MALRD1: variants seen among roughly 807,000 people sequenced by gnomAD.
The protein encoded by MALRD1 is MAM and LDL receptor class A domain containing 1, also known as MAM and LDL-receptor class A domain-containing protein 1.
Under a neutral mutation model 242.1 loss-of-function variants are expected in MALRD1, and 247 were observed. The ratio of observed to expected loss-of-function variants is 1.02; its 90% CI spans 0.92 to 1.13. The LOEUF is 1.13. Among genes scored for constraint, MALRD1 ranks in the 50% most tolerant of loss-of-function variants. MALRD1 has a pLI of 0.00. For synonymous variants in MALRD1, 995 were observed against 866.6 expected, an observed-to-expected ratio of 1.15 and a Z score of -2.60; for missense variants, 2,989 against 2,533.1, an observed-to-expected ratio of 1.18 and a Z score of -3.86.
At chr10:19,675,321 T>A (rs999226203) in intron 36 of MALRD1, among the ~76,000 whole-genome samples, 1 of 152,198 alleles carries the variant, frequency 6.6e-6, no homozygotes, top group Non-Finnish European at 1.5e-5. Context: ...ATTCACATTG[T>A]ACAATGACAA....
intron 18 of MALRD1, among the ~76,000 whole-genome samples, chr10:19,226,902 A>G (rs939108600): frequency 1.3e-5 from 2 of 152,066 alleles, no homozygotes; most frequent in Non-Finnish European, 2.9e-5. Context: ...AAAATTATGT[A>G]AGCAATTTAA....
chr10:19,224,872 T>C (rs1837723995), intron 18 of MALRD1, among the ~76,000 whole-genome samples: 1 of 152,230 alleles, frequency 6.6e-6, no homozygotes, highest in East Asian at 1.9e-4. Context: ...TTGGCTTTTG[T>C]TGCCACTGCT....
At chr10:19,489,019 C>T in intron 29 of MALRD1, 1 of 456,408 alleles carries the variant, frequency 2.2e-6, no homozygotes, top group Non-Finnish European at 4.4e-6. Context: ...CCACCATCCC[C>T]CGCCAGGGGT....
intron 32 of MALRD1, among the ~76,000 whole-genome samples, chr10:19,559,223 A>G (rs1013447070): frequency 6.6e-6 from 1 of 151,766 alleles, no homozygotes; most frequent in Non-Finnish European, 1.5e-5. Flanking sequence ...ATTTTTCATT[A>G]CCCTTTTAAA....
chr10:19,185,092 TC>T (rs1435033901), intron 14 of MALRD1, among the ~76,000 whole-genome samples: 1 of 152,212 alleles, frequency 6.6e-6, no homozygotes, highest in Non-Finnish European at 1.5e-5. Context: ...GTGCTTTCTT[TC>T]GTTCCAAGAG....
At chr10:19,583,930 A>G (rs532161815) in intron 33 of MALRD1, among the ~76,000 whole-genome samples, 103 of 152,190 alleles carry the variant, frequency 6.8e-4, no homozygotes, top group African/African-American at 2.4e-3. Flanking sequence ...CAGAGATTCA[A>G]CTTCTTCCTG....
chr10:19,670,601 T>G (rs969745500), intron 36 of MALRD1, among the ~76,000 whole-genome samples: 2 of 152,194 alleles, frequency 1.3e-5, no homozygotes, highest in Non-Finnish European at 2.9e-5. Flanking sequence ...ATTCATTTCA[T>G]GATAAAACTT....
At chr10:19,093,830 G>A (rs1163984003) in intron 4 of MALRD1, among the ~76,000 whole-genome samples, 2 of 80,968 alleles carry the variant, frequency 2.5e-5, no homozygotes, top group Admixed American at 1.4e-4. Context: ...TCAGCTGCAG[G>A]TCTGTTGGAA....
At chr10:19,355,858 T>TATATATATATATATATA (rs57813656) in intron 26 of MALRD1, among the ~76,000 whole-genome samples, 3,833 of 94,552 alleles carry the variant, frequency 0.041, 313 homozygotes, top group Non-Finnish European at 0.046. Flanking sequence ...TATATATATA[T>TATATATATATATATATA]TATATATGAT....
rs75936873 is a variant in MALRD1 at position 19,489,964 on chromosome 10, A to G, written c.5030-1553A>G. 5.9e-3 allele frequency among the ~76,000 whole-genome samples: 900 copies of G among 152,306 alleles called. 13 individuals carry two copies. Among genetic ancestry groups the G allele is most frequent in the Admixed American group, 0.024 (362 of 15,296 alleles). On this transcript the variant is annotated intron_variant, in intron 29 of 39. Transcript: ENST00000454679. ...TCAAAAATTTGCATATGTAGCATACATGCTATTCAGTTGTGAATTGGTGGG... is the reference window on the plus strand; with the variant it reads ...TCAAAAATTTGCATATGTAGCATACGTGCTATTCAGTTGTGAATTGGTGGG...
intron 18 of MALRD1, among the ~76,000 whole-genome samples, chr10:19,219,277 T>C (rs1837460330): frequency 6.6e-6 from 1 of 152,144 alleles, no homozygotes; most frequent in African/African-American, 2.4e-5. Context: ...TGGTCACTTA[T>C]ACTAATTATA....
At chr10:19,623,453 T>A (rs1411238674) in intron 36 of MALRD1, among the ~76,000 whole-genome samples, 1 of 152,116 alleles carries the variant, frequency 6.6e-6, no homozygotes. Context: ...ATGATGAGAA[T>A]TGGTTCCTGT....
intron 28 of MALRD1, among the ~76,000 whole-genome samples, chr10:19,433,821 T>C (rs1405777099): frequency 6.6e-6 from 1 of 152,084 alleles, no homozygotes. Flanking sequence ...ATGTGTTTTC[T>C]ATGTCCATAG....
At chr10:19,383,219 G>T (rs1361237235) in intron 26 of MALRD1, among the ~76,000 whole-genome samples, 1 of 152,036 alleles carries the variant, frequency 6.6e-6, no homozygotes, top group Non-Finnish European at 1.5e-5. Context: ...CCACCCTCAA[G>T]TAAGCCCTGG....
chr10:19,632,380 A>G (rs755468096), intron 36 of MALRD1, among the ~76,000 whole-genome samples: 8 of 152,128 alleles, frequency 5.3e-5, no homozygotes, highest in Non-Finnish European at 1.2e-4. Flanking sequence ...ACCAGGCAAC[A>G]TGGATAGGAA....
intron 18 of MALRD1, among the ~76,000 whole-genome samples, chr10:19,248,681 G>T (rs1839169607): frequency 6.6e-6 from 1 of 151,676 alleles, no homozygotes; most frequent in Non-Finnish European, 1.5e-5. Flanking sequence ...CTCTTTGACT[G>T]TTTGGACATC....
At chr10:19,298,374 A>T (rs1841804576) in intron 21 of MALRD1, among the ~76,000 whole-genome samples, 2 of 151,954 alleles carry the variant, frequency 1.3e-5, no homozygotes, top group African/African-American at 4.8e-5. Context: ...CACACTGGAG[A>T]TCAAATTTCA....
chr10:19,291,225 G>T (rs1841408431), intron 21 of MALRD1, among the ~76,000 whole-genome samples: 1 of 152,132 alleles, frequency 6.6e-6, no homozygotes. Flanking sequence ...GTGAAATGAT[G>T]TCTGGTAGAA....
intron 28 of MALRD1, among the ~76,000 whole-genome samples, chr10:19,438,358 G>A (rs1043390262): frequency 6.6e-6 from 1 of 152,084 alleles, no homozygotes; most frequent in Non-Finnish European, 1.5e-5. Context: ...TCCATTTTAT[G>A]TATATACCAC....
Sources: gnomAD v4.1 joint callset for allele counts (sites outside exome capture counted in the v4.1 genomes callset) on GRCh38, gnomAD v4.1.1 for gene constraint, MANE v1.5 for transcripts, NCBI Gene and HGNC (gene_info 2026-07-23, HGNC 2026-07-21) for gene names.